The following ANO10 variants were observed in gnomAD, a reference collection of about 807,000 sequenced individuals.
ANO10 encodes anoctamin 10.
ANO10 carries 77 observed loss-of-function variants against 74.7 expected under a neutral mutation model. That is an observed-to-expected ratio of 1.03 (90% CI 0.86 to 1.25). ANO10 has a LOEUF of 1.25. ANO10 is among the 50% of genes most tolerant of loss of function. The pLI, the probability that ANO10 is intolerant of heterozygous loss-of-function variation, is 0.00. For synonymous variants in ANO10, 279 were observed against 284.9 expected, an observed-to-expected ratio of 0.98 and a Z score of 0.21; for missense variants, 721 against 778.1, an observed-to-expected ratio of 0.93 and a Z score of 0.87.
intron 11 of ANO10, among the ~76,000 whole-genome samples, chr3:43,526,987 G>GTGT (rs11270846): frequency 2.7e-5 from 4 of 149,088 alleles, no homozygotes; most frequent in African/African-American, 5.0e-5. Flanking sequence ...ACACACATAT[G>GTGT]GTACATACAA....
chr3:43,414,599 C>T (rs898063094), intron 12 of ANO10, among the ~76,000 whole-genome samples: 12 of 152,100 alleles, frequency 7.9e-5, no homozygotes, highest in South Asian at 2.1e-4. Flanking sequence ...CCTTTCAAAA[C>T]GACCTGTTTT....
chr3:43,678,730 TGAG>T (rs1245400840), intron 1 of ANO10, among the ~76,000 whole-genome samples: 1 of 152,196 alleles, frequency 6.6e-6, no homozygotes, highest in Non-Finnish European at 1.5e-5. Context: ...ACTCCATGTC[TGAG>T]GAGTTTTGTC....
chr3:43,581,663 A>G (rs934294061), intron 4 of ANO10, among the ~76,000 whole-genome samples: 2 of 152,198 alleles, frequency 1.3e-5, no homozygotes, highest in Non-Finnish European at 2.9e-5. Context: ...ACTCACACCC[A>G]TAATTCCAGC....
chr3:43,683,819 A>G (rs1310301273), intron 1 of ANO10, among the ~76,000 whole-genome samples: 1 of 152,218 alleles, frequency 6.6e-6, no homozygotes, highest in Admixed American at 6.5e-5. Flanking sequence ...GACAAAAACA[A>G]GAAATGGGGA....
intron 11 of ANO10, among the ~76,000 whole-genome samples, chr3:43,511,888 T>C (rs1364056828): frequency 6.6e-6 from 1 of 152,230 alleles, no homozygotes; most frequent in Non-Finnish European, 1.5e-5. Flanking sequence ...CTCAGGGCAC[T>C]GCCTTGCTCC....
chr3:43,426,855 C>T (rs1441140820), intron 12 of ANO10, among the ~76,000 whole-genome samples: 2 of 152,136 alleles, frequency 1.3e-5, no homozygotes, highest in African/African-American at 4.8e-5. Context: ...CTCAGTTTGC[C>T]TCCCACCTTC....
At chr3:43,458,608 G>A (rs1322869737) in intron 11 of ANO10, among the ~76,000 whole-genome samples, 1 of 152,140 alleles carries the variant, frequency 6.6e-6, no homozygotes, top group African/African-American at 2.4e-5. Flanking sequence ...GAAATGCAGA[G>A]AGCTTTCAAT....
chr3:43,620,004 C>T (rs2083307200), intron 1 of ANO10, among the ~76,000 whole-genome samples: 1 of 151,960 alleles, frequency 6.6e-6, no homozygotes, highest in African/African-American at 2.4e-5. Context: ...GAGCTTTTAA[C>T]CATTAAAACA....
intron 1 of ANO10, among the ~76,000 whole-genome samples, chr3:43,674,951 C>T (rs997973852): frequency 6.6e-6 from 1 of 152,196 alleles, no homozygotes; most frequent in Non-Finnish European, 1.5e-5. Context: ...CATCAAAATA[C>T]CCACTGCAGC....
intron 1 of ANO10, among the ~76,000 whole-genome samples, chr3:43,678,662 G>A (rs1036439634): frequency 3.3e-5 from 5 of 152,094 alleles, no homozygotes; most frequent in African/African-American, 4.8e-5. Flanking sequence ...TGGGGAGCTC[G>A]GCTCTTGAGA....
At chr3:43,504,483 T>TA (rs371763839) in intron 11 of ANO10, among the ~76,000 whole-genome samples, 1 of 152,088 alleles carries the variant, frequency 6.6e-6, no homozygotes, top group African/African-American at 2.4e-5. Flanking sequence ...ATGGGCAATG[T>TA]AATTGGTACC....
At chr3:43,490,741 T>C (rs2076687183) in intron 11 of ANO10, among the ~76,000 whole-genome samples, 1 of 152,124 alleles carries the variant, frequency 6.6e-6, no homozygotes, top group African/African-American at 2.4e-5. Flanking sequence ...AGAAGTGAAT[T>C]TGTTACAGTA....
At position 43,586,538 on chromosome 3, in the gene ANO10, A is replaced by G. The variant is rs1052876154; in HGVS notation, c.473-6066T>C. 3.3e-5 allele frequency among the ~76,000 whole-genome samples: 5 copies of G among 152,160 alleles called. 1 individual carries two copies. Among genetic ancestry groups the G allele is most frequent in the Non-Finnish European group, 7.3e-5 (5 of 68,050 alleles). On this transcript the variant is annotated intron_variant, in intron 4 of 12. Transcript: ENST00000292246. ...AGGAAAAATAAGGGTTCATTAAAAC[A>G]TAAGTAATAAAAAATAAGTAATAAT...
At chr3:43,498,274 G>A (rs1275352169) in intron 11 of ANO10, among the ~76,000 whole-genome samples, 1 of 152,180 alleles carries the variant, frequency 6.6e-6, no homozygotes, top group Non-Finnish European at 1.5e-5. Flanking sequence ...TTCTTGGGAA[G>A]CCACTGGCTG....
intron 1 of ANO10, among the ~76,000 whole-genome samples, chr3:43,657,388 G>T (rs1031167843): frequency 1.3e-5 from 2 of 152,204 alleles, no homozygotes; most frequent in Non-Finnish European, 2.9e-5. Flanking sequence ...TGTTGTAGGA[G>T]TACGCAGTGA....
chr3:43,565,716 G>C lies in ANO10; in HGVS notation c.1230C>G (p.Leu410=). 1 of 1,540,968 alleles carries C rather than the reference G, an allele frequency of 6.5e-7. No individual in the cohort carries two copies. Among genetic ancestry groups the C allele is most frequent in the East Asian group, 2.4e-5 (1 of 41,260 alleles). Reference sequence around the variant, plus strand: ...TATAGAAGAGTGAGGCAAAGCAATTGAGGAAGTTGAACTGCCAAAAAAAAA... The same window carrying C: ...TATAGAAGAGTGAGGCAAAGCAATTCAGGAAGTTGAACTGCCAAAAAAAAA... ...LILKVLVFNF[L]NCFASLFYIA... The change falls in exon 8 of 13, where the codon CTC becomes CTG. Residue 410 remains leucine (L), a synonymous_variant. Coordinates refer to ENST00000292246, the MANE Select transcript of ANO10 (RefSeq NM_018075.5).
chr3:43,691,128 G>A, intron 1 of ANO10: 2 of 1,288,200 alleles, frequency 1.6e-6, no homozygotes, highest in South Asian at 4.2e-5. Flanking sequence ...GCACCAAGGA[G>A]TCGCCGCCCG....
intron 11 of ANO10, among the ~76,000 whole-genome samples, chr3:43,505,556 TTCC>T (rs1407656600): frequency 6.6e-6 from 1 of 152,246 alleles, no homozygotes; most frequent in African/African-American, 2.4e-5. Context: ...CTCAGTTGGC[TTCC>T]TTACTCATCA....
At chr3:43,559,386 A>C (rs2079915795) in intron 9 of ANO10, among the ~76,000 whole-genome samples, 1 of 152,230 alleles carries the variant, frequency 6.6e-6, no homozygotes, top group Admixed American at 6.5e-5. Flanking sequence ...ACTATTTCAG[A>C]GAAAAAGAAC....
Sources: gnomAD v4.1 joint callset for allele counts (sites outside exome capture counted in the v4.1 genomes callset) on GRCh38, gnomAD v4.1.1 for gene constraint, MANE v1.5 for transcripts, NCBI Gene and HGNC (gene_info 2026-07-23, HGNC 2026-07-21) for gene names.